The following ACSM5 variants were observed in gnomAD, a reference collection of about 807,000 sequenced individuals.
ACSM5 encodes acyl-coenzyme A synthetase ACSM5, mitochondrial.
ACSM5 carries 56 observed loss-of-function variants against 71.6 expected under a neutral mutation model. The ratio of observed to expected loss-of-function variants is 0.78; its 90% CI spans 0.63 to 0.98. ACSM5 has a LOEUF of 0.98. Ranked by LOEUF, ACSM5 falls within the 50% of genes least tolerant of loss-of-function variation. The probability of loss-of-function intolerance (pLI) is 0.00; values close to 1 mark genes in which losing one functional copy is unlikely to be tolerated. For missense variants in ACSM5, 723 were observed against 726.0 expected, an observed-to-expected ratio of 1.00 and a Z score of 0.05; for synonymous variants, 285 against 281.5, an observed-to-expected ratio of 1.01 and a Z score of -0.12.
In ACSM5 at chr16:20,438,992, G is replaced by A. The variant is rs1967262275; in HGVS notation, c.1537-808G>A. 1.5e-5 allele frequency among the ~76,000 whole-genome samples: 2 copies of A among 137,600 alleles called. 1 individual carries two copies. The highest frequency in any genetic ancestry group is 5.4e-5 in the African/African-American group (2 of 36,730). The allele number at this position is 137,600 out of a possible 152,430, so 90.3% of individuals were successfully genotyped here. A position where few individuals can be genotyped will look rare whatever the true frequency, so the allele number is the denominator to read the frequency against. ...AAAAAAAAAAAAGTGTCCAACAAAT[G>A]TTTCGTAGTTACAGTAGTAAGAGTA... On this transcript the variant is annotated intron_variant, in intron 12 of 13. Coordinates refer to ENST00000331849, the MANE Select transcript of ACSM5 (RefSeq NM_017888.3).
chr16:20,437,029 C>T (rs71384450), intron 10 of ACSM5, 23 bp from the exon 11 acceptor site: 126,535 of 1,609,372 alleles, frequency 0.079, 6,244 homozygotes, highest in East Asian at 0.19. Context: ...GAGGGTCCTT[C>T]ACGGGTTGTC....
chr16:20,423,876 G>A (rs1198546546), intron 5 of ACSM5, 40 bp from the exon 6 acceptor site: 1 of 1,611,254 alleles, frequency 6.2e-7, no homozygotes, highest in East Asian at 2.2e-5. Flanking sequence ...TAAAGGTAGA[G>A]TCATTGCCAA....
At chr16:20,432,476 T>TA (rs1351083002) in intron 10 of ACSM5, among the ~76,000 whole-genome samples, 2 of 152,220 alleles carry the variant, frequency 1.3e-5, no homozygotes, top group Non-Finnish European at 2.9e-5. Context: ...TTATTTTGTT[T>TA]AAAATCACAG....
chr16:20,439,694 T>G (rs1385745191), intron 12 of ACSM5, 106 bp from the exon 13 acceptor site: 9 of 1,325,786 alleles, frequency 6.8e-6, no homozygotes, highest in African/African-American at 3.0e-5. Flanking sequence ...CTAGTAGAAC[T>G]TTCATGGTGC....
chr16:20,436,812 G>A (rs908120183), intron 10 of ACSM5, among the ~76,000 whole-genome samples: 1 of 152,148 alleles, frequency 6.6e-6, no homozygotes, highest in Non-Finnish European at 1.5e-5. Flanking sequence ...TAAGGATGGT[G>A]GTGGGTGACT....
In ACSM5 at chr16:20,424,221, C is replaced by A; in HGVS notation, c.921+152C>A. 3.3e-6 allele frequency: 3 copies of A among 914,336 alleles called. No individual in the cohort carries two copies. In the East Asian group the frequency reaches 8.1e-5, roughly 25 times the overall value. The allele number at this position is 914,336 out of a possible 1,614,324, so 56.6% of individuals were successfully genotyped here. Reference sequence around the variant, plus strand: ...TGGCCTTCCATAATCTGGTTCCTGACCACCTGGTTCCCTTCAATCATTGCC... The same window carrying A: ...TGGCCTTCCATAATCTGGTTCCTGAACACCTGGTTCCCTTCAATCATTGCC... On this transcript the variant is annotated intron_variant, in intron 6 of 13. Transcript: ENST00000331849.
chr16:20,414,765 C>A (rs1966853440), intron 2 of ACSM5, among the ~76,000 whole-genome samples: 1 of 152,132 alleles, frequency 6.6e-6, no homozygotes, highest in African/African-American at 2.4e-5. Flanking sequence ...CGGAAAAAAG[C>A]CTAGATTGCC....
At chr16:20,413,088 T>C (rs1230336334) in intron 2 of ACSM5, among the ~76,000 whole-genome samples, 1 of 152,172 alleles carries the variant, frequency 6.6e-6, no homozygotes, top group Non-Finnish European at 1.5e-5. Context: ...ATATGCTACT[T>C]AGAGTAATAG....
rs779106602 is a variant in ACSM5 at position 20,429,697 on chromosome 16, A to G, written c.1021A>G (p.Arg341Gly). The G allele has an allele frequency of 1.2e-6, 2 of 1,613,928 alleles. No individual in the cohort carries two copies. Among genetic ancestry groups the G allele is most frequent in the Non-Finnish European group, 1.7e-6 (2 of 1,179,918 alleles). Residue 341 changes from arginine (R) to glycine (G), a missense_variant, in exon 8 of 14, where the codon AGG (arginine) becomes GGG (glycine). By Grantham distance (125) the Arg-to-Gly change is moderately radical. Coordinates refer to ENST00000331849, the MANE Select transcript of ACSM5 (RefSeq NM_017888.3). The part of the protein sequence containing the change: ...DLTRYQFQSL[R>G]HCLTGGEALN... ...AGAAAGGTACCAGTTTCAGAGCCTG[A>G]GGCACTGTCTGACCGGAGGAGAGGC...
At chr16:20,426,712 C>T (rs535224383) in intron 6 of ACSM5, among the ~76,000 whole-genome samples, 84 of 152,232 alleles carry the variant, frequency 5.5e-4, no homozygotes, top group East Asian at 2.9e-3. Context: ...TAGTCAAATT[C>T]ATAGAGACAG....
At chr16:20,420,357 T>A (rs1371804354) in intron 4 of ACSM5, among the ~76,000 whole-genome samples, 1 of 152,098 alleles carries the variant, frequency 6.6e-6, no homozygotes, top group East Asian at 1.9e-4. Context: ...TCCCAGCACT[T>A]TTGGAGGCTG....
At chr16:20,433,570 A>G (rs1246124367) in intron 10 of ACSM5, among the ~76,000 whole-genome samples, 1 of 151,696 alleles carries the variant, frequency 6.6e-6, no homozygotes. Context: ...GCAAAAAAAC[A>G]AAAGAAAAGG....
chr16:20,431,348 A>G (rs759040982), intron 10 of ACSM5, 27 bp downstream of exon 10: 23 of 1,563,082 alleles, frequency 1.5e-5, no homozygotes, highest in Middle Eastern at 1.7e-4. Context: ...AGCCGTTCTC[A>G]TGACAGTGAC....
chr16:20,434,221 G>C (rs1339782778), intron 10 of ACSM5, among the ~76,000 whole-genome samples: 1 of 152,042 alleles, frequency 6.6e-6, no homozygotes, highest in East Asian at 1.9e-4. Context: ...ATATTCAATA[G>C]TTTCTTCCAA....
At chr16:20,425,416 T>C (rs1443752784) in intron 6 of ACSM5, among the ~76,000 whole-genome samples, 1 of 152,196 alleles carries the variant, frequency 6.6e-6, no homozygotes, top group African/African-American at 2.4e-5. Flanking sequence ...CAAAACATAG[T>C]AGATTCTTTT....
chr16:20,434,848 A>G (rs936836384), intron 10 of ACSM5, among the ~76,000 whole-genome samples: 27 of 152,168 alleles, frequency 1.8e-4, no homozygotes, highest in African/African-American at 6.0e-4. Flanking sequence ...TGGGAGAACA[A>G]CTCTAACCTT....
chr16:20,415,415 A>T (rs1966854417), intron 2 of ACSM5, among the ~76,000 whole-genome samples: 1 of 152,178 alleles, frequency 6.6e-6, no homozygotes, highest in African/African-American at 2.4e-5. Context: ...AGCAATAGAG[A>T]TGGGATTATC....
In ACSM5 at chr16:20,411,539, T is replaced by C; in HGVS notation, c.55T>C (p.Phe19Leu). The change falls in exon 2 of 14, where the codon TTC becomes CTC. Residue 19 changes from phenylalanine (F) to leucine (L), a missense_variant. Physicochemically the swap from Phe to Leu is conservative, Grantham distance 22 (BLOSUM62 0). Transcript: ENST00000331849. ...CCAGGCACTGAGGAACTCCAGGGCA[T>C]TCTGTGGGTCTCATGGGAAGCCAGC... ...VLQALRNSRA[F>L]CGSHGKPAPL... 6.2e-7 allele frequency: 1 copy of C among 1,614,166 alleles called. No homozygotes were observed. The highest frequency in any genetic ancestry group is 8.5e-7 in the Non-Finnish European group (1 of 1,180,024).
intron 1 of ACSM5, among the ~76,000 whole-genome samples, chr16:20,410,573 A>G (rs947230153): frequency 1.3e-5 from 2 of 152,134 alleles, no homozygotes; most frequent in South Asian, 2.1e-4. Flanking sequence ...CTACAAAAAA[A>G]CTTTTTAAAA....
Sources: allele counts gnomAD v4.1 joint callset (sites outside exome capture counted in the v4.1 genomes callset), GRCh38; gene constraint gnomAD v4.1.1; transcripts MANE v1.5; gene names NCBI Gene and HGNC (gene_info 2026-07-23, HGNC 2026-07-21).